ARMC2: variants seen among roughly 807,000 people sequenced by gnomAD.
ARMC2 encodes armadillo repeat containing 2, also known as armadillo repeat-containing protein 2.
A neutral mutation model predicts 90.3 loss-of-function variants in ARMC2; 67 were observed. The observed-to-expected ratio is 0.74, with a 90% CI of 0.61 to 0.91. The LOEUF (loss-of-function observed/expected upper bound fraction) is 0.91. Ranked by LOEUF, ARMC2 falls within the 40% of genes least tolerant of loss-of-function variation. The probability of loss-of-function intolerance (pLI) is 0.00; values close to 1 mark genes in which losing one functional copy is unlikely to be tolerated. For missense variants in ARMC2, 920 were observed against 1,030.9 expected, an observed-to-expected ratio of 0.89 and a Z score of 1.47; for synonymous variants, 393 against 393.0, an observed-to-expected ratio of 1.00 and a Z score of 0.00.
At chr6:108,916,208 T>C (rs374060739) in intron 10 of ARMC2, among the ~76,000 whole-genome samples, 4 of 152,350 alleles carry the variant, frequency 2.6e-5, no homozygotes, top group Admixed American at 6.5e-5. Flanking sequence ...GACACTCATT[T>C]CACAAGTTTT....
At chr6:108,948,926 C>T (rs1360423316) in intron 12 of ARMC2, among the ~76,000 whole-genome samples, 2 of 152,006 alleles carry the variant, frequency 1.3e-5, no homozygotes, top group Non-Finnish European at 2.9e-5. Context: ...CAAATCAACA[C>T]GGATAGCTGG....
intron 5 of ARMC2, among the ~76,000 whole-genome samples, chr6:108,883,726 C>T (rs1485712935): frequency 6.6e-6 from 1 of 152,180 alleles, no homozygotes; most frequent in Non-Finnish European, 1.5e-5. Flanking sequence ...CCTTCAGTTT[C>T]ACCTCAATTT....
chr6:109,028,318 CA>C, the ARMC2 span, among the ~76,000 whole-genome samples: 1 of 152,084 alleles, frequency 6.6e-6, no homozygotes, highest in Non-Finnish European at 1.5e-5. Context: ...ACTATCTTCC[CA>C]CAATAATTAT....
chr6:108,849,541 A>C (rs1460050918), intron 1 of ARMC2, among the ~76,000 whole-genome samples: 1 of 152,206 alleles, frequency 6.6e-6, no homozygotes, highest in Non-Finnish European at 1.5e-5. Flanking sequence ...ATAAAAAAAA[A>C]CTTATGTATA....
the ARMC2 span, among the ~76,000 whole-genome samples, chr6:109,044,899 T>C: frequency 6.6e-6 from 1 of 152,024 alleles, no homozygotes; most frequent in African/African-American, 2.4e-5. Context: ...GGCGCATGCC[T>C]GTAATCTCAG....
intron 10 of ARMC2, 121 bp from the exon 11 acceptor site, chr6:108,927,967 A>T: frequency 8.1e-6 from 8 of 992,818 alleles, no homozygotes; most frequent in Non-Finnish European, 1.1e-5. Context: ...GGAGATGCAT[A>T]GCGGGAGCTT....
intron 12 of ARMC2, among the ~76,000 whole-genome samples, chr6:108,940,191 G>T (rs1776320525): frequency 6.6e-6 from 1 of 152,180 alleles, no homozygotes; most frequent in Admixed American, 6.5e-5. Flanking sequence ...GCTTGAACCT[G>T]GGAGGCAGAG....
At chr6:108,947,008 C>G (rs1277540424) in intron 12 of ARMC2, among the ~76,000 whole-genome samples, 1 of 152,112 alleles carries the variant, frequency 6.6e-6, no homozygotes, top group Non-Finnish European at 1.5e-5. Flanking sequence ...CTTTGACATT[C>G]ATTTAATAGG....
chr6:109,010,641 A>G, the ARMC2 span, among the ~76,000 whole-genome samples: 5 of 152,076 alleles, frequency 3.3e-5, no homozygotes, highest in South Asian at 6.2e-4. Context: ...GTTACTTTTT[A>G]TTTATCTCCT....
At position 108,854,251 on chromosome 6, in the gene ARMC2, T is replaced by C; in HGVS notation, c.-17T>C. 1 of 1,571,904 alleles carries C rather than the reference T, an allele frequency of 6.4e-7. No individual in the cohort carries two copies. ...GTGTGGTGTCTATCTGAAGAATATT[T>C]TACTTTCAAAGGAAAGATGCTGTCT... On this transcript the variant is annotated 5_prime_UTR_variant, in exon 2 of 18. Coordinates refer to ENST00000392644, the MANE Select transcript of ARMC2 (RefSeq NM_032131.6).
chr6:109,039,902 C>T, the ARMC2 span, among the ~76,000 whole-genome samples: 1 of 152,172 alleles, frequency 6.6e-6, no homozygotes. Context: ...GAGGAGAAAG[C>T]ACAGTCAAGG....
At chr6:108,895,950 G>T (rs1282538250) in intron 6 of ARMC2, among the ~76,000 whole-genome samples, 1 of 152,160 alleles carries the variant, frequency 6.6e-6, no homozygotes, top group Admixed American at 6.5e-5. Flanking sequence ...CCAAACTAGT[G>T]TGGGGTACAC....
intron 5 of ARMC2, among the ~76,000 whole-genome samples, chr6:108,880,628 C>A (rs1050623870): frequency 6.6e-6 from 1 of 152,150 alleles, no homozygotes; most frequent in East Asian, 1.9e-4. Context: ...CTGAAGCCAC[C>A]ACATCAACAT....
intron 7 of ARMC2, among the ~76,000 whole-genome samples, chr6:108,902,517 C>G (rs755232973): frequency 1.3e-5 from 2 of 152,168 alleles, no homozygotes; most frequent in African/African-American, 4.8e-5. Flanking sequence ...GTGTTTCATA[C>G]AATAGGAGTT....
At chr6:109,030,383 T>C in the ARMC2 span, among the ~76,000 whole-genome samples, 4 of 152,154 alleles carry the variant, frequency 2.6e-5, no homozygotes, top group African/African-American at 2.4e-5. Flanking sequence ...AAGGTGTAGA[T>C]TGCTAGTAGT....
intron 13 of ARMC2, among the ~76,000 whole-genome samples, chr6:108,956,720 A>G (rs1000959747): frequency 6.7e-6 from 1 of 150,344 alleles, no homozygotes; most frequent in Non-Finnish European, 1.5e-5. Context: ...GTCCGGGCGC[A>G]GTGGCTCACA....
chr6:108,894,424 G>C (rs1771389493), intron 5 of ARMC2, 43 bp from the exon 6 acceptor site: 1 of 1,522,598 alleles, frequency 6.6e-7, no homozygotes, highest in Admixed American at 2.0e-5. Flanking sequence ...AAAATTAGAA[G>C]TGTTTTCATG....
chr6:108,864,997 A>ATTTTTTTT (rs36025894), intron 3 of ARMC2, among the ~76,000 whole-genome samples: 1 of 132,836 alleles, frequency 7.5e-6, no homozygotes, highest in African/African-American at 2.8e-5. Context: ...TCTCAAGTGA[A>ATTTTTTTT]TTTTTTTTTT....
rs181697766 is a variant in ARMC2, at chr6:108,936,284, T to A, written c.1497-616T>A. Among the ~76,000 whole-genome samples, 6 of 152,246 alleles carry A rather than the reference T, an allele frequency of 3.9e-5. No individual in the cohort carries two copies. The South Asian group carries it at 8.3e-4, about 21-fold the overall frequency. On this transcript the variant is annotated intron_variant, in intron 11 of 17. Transcript: ENST00000392644. ...TTTGTTTGTTTGTTTTGAGGCAGAG[T>A]CTCGCCCCATTGCCCAGTCTGGAGT... is the stretch of plus-strand genomic sequence containing the variant.
Sources: gnomAD v4.1 joint callset for allele counts (sites outside exome capture counted in the v4.1 genomes callset) on GRCh38, gnomAD v4.1.1 for gene constraint, MANE v1.5 for transcripts, NCBI Gene and HGNC (gene_info 2026-07-23, HGNC 2026-07-21) for gene names.